Variants in HPSE2 observed in about 807,000 individuals in gnomAD.
HPSE2 encodes heparanase 2 (inactive).
Under a neutral mutation model 60.5 loss-of-function variants are expected in HPSE2, and 38 were observed. The ratio of observed to expected loss-of-function variants is 0.63; its 90% CI spans 0.48 to 0.82. The LOEUF (loss-of-function observed/expected upper bound fraction) is 0.82. HPSE2 is among the 40% of genes least tolerant of loss of function. HPSE2 has a pLI of 0.00. For synonymous variants in HPSE2, 295 were observed against 293.2 expected, an observed-to-expected ratio of 1.01 and a Z score of -0.06; for missense variants, 713 against 740.4, an observed-to-expected ratio of 0.96 and a Z score of 0.43.
chr10:98,824,136 G>T (rs1034851249), intron 3 of HPSE2, among the ~76,000 whole-genome samples: 4 of 152,170 alleles, frequency 2.6e-5, no homozygotes, highest in Non-Finnish European at 5.9e-5. Context: ...ACAATAAAAA[G>T]AGTGTATACT....
At chr10:98,852,312 C>T (rs1952202003) in intron 3 of HPSE2, among the ~76,000 whole-genome samples, 1 of 152,016 alleles carries the variant, frequency 6.6e-6, no homozygotes, top group Non-Finnish European at 1.5e-5. Context: ...CCTTTTCTGC[C>T]CAAGGCAGAA....
chr10:99,309,485 C>T, the HPSE2 span, among the ~76,000 whole-genome samples: 1 of 152,286 alleles, frequency 6.6e-6, no homozygotes, highest in African/African-American at 2.4e-5. Flanking sequence ...TGAGATACTA[C>T]TACACACCAA....
chr10:99,100,055 A>G (rs1843889192), intron 3 of HPSE2, among the ~76,000 whole-genome samples: 1 of 152,234 alleles, frequency 6.6e-6, no homozygotes, highest in South Asian at 2.1e-4. Flanking sequence ...AACAGAGCAG[A>G]AAAGCTGAAA....
Position 99,151,243 on chromosome 10 carries a change from C to CA in HPSE2, c.449-6845dup, listed in dbSNP as rs755830716. 6.0e-3 allele frequency among the ~76,000 whole-genome samples: 773 copies of CA among 127,772 alleles called. 2 individuals carry two copies. Among genetic ancestry groups the CA allele is most frequent in the Middle Eastern group, 0.016 (4 of 256 alleles). The allele number at this position is 127,772 out of a possible 152,430, so 83.8% of individuals were successfully genotyped here. A position where few individuals can be genotyped will look rare whatever the true frequency, so the allele number is the denominator to read the frequency against. ...TTCCAATAAAATATTACAAGCCATG[C>CA]AAAAAAAAAAAATCAGAGAACTTAA... On this transcript the variant is annotated intron_variant, in intron 2 of 11. Transcript: ENST00000370552.
intron 9 of HPSE2, among the ~76,000 whole-genome samples, chr10:98,609,621 C>T (rs74154335): frequency 0.05 from 7,532 of 152,160 alleles, 639 homozygotes; most frequent in African/African-American, 0.17. Flanking sequence ...AATCAGAATC[C>T]TATTTTTATA....
intron 3 of HPSE2, among the ~76,000 whole-genome samples, chr10:98,746,795 T>A (rs1589755392): frequency 6.6e-6 from 1 of 151,156 alleles, no homozygotes; most frequent in Non-Finnish European, 1.5e-5. Flanking sequence ...TCTAGTAGGA[T>A]TTTTTTTTAA....
At position 98,459,599 on chromosome 10, in the gene HPSE2, T is replaced by C. The variant is rs370822615; in HGVS notation, c.1754A>G (p.Asn585Ser). Residue 585 changes from asparagine to serine, a missense_variant, in exon 12 of 12, where the codon AAT (asparagine) becomes AGT (serine). Physicochemically the swap from Asn to Ser is conservative, Grantham distance 46. Transcript: ENST00000370552. ...TMGFYVVKNV[N>S]ALACRYR is the part of the protein sequence containing the mutation. ...TTATCGGTAGCGGCAGGCCAAAGCA[T>C]TGACATTCTTGACCACATAAAAGCC... 8.9e-5 allele frequency: 143 copies of C among 1,614,104 alleles called. 2 individuals are homozygous for C. In the South Asian group the frequency reaches 1.3e-3, roughly 15 times the overall value.
chr10:98,708,060 T>G (rs766331573), intron 5 of HPSE2, among the ~76,000 whole-genome samples: 33 of 152,320 alleles, frequency 2.2e-4, no homozygotes, highest in African/African-American at 7.7e-4. Context: ...ATGTGCTATG[T>G]GATTTGTTGT....
chr10:99,113,780 T>A (rs1175113304), intron 3 of HPSE2, among the ~76,000 whole-genome samples: 8 of 152,136 alleles, frequency 5.3e-5, no homozygotes, highest in Non-Finnish European at 1.2e-4. Flanking sequence ...TTTATAAAAT[T>A]AGAGGTACAA....
intron 3 of HPSE2, among the ~76,000 whole-genome samples, chr10:99,079,377 T>G (rs1184848925): frequency 6.6e-6 from 1 of 152,114 alleles, no homozygotes; most frequent in African/African-American, 2.4e-5. Flanking sequence ...TGGCCCCAAG[T>G]GGCTAGAGTA....
chr10:99,010,244 A>T (rs1460083343), intron 3 of HPSE2, among the ~76,000 whole-genome samples: 1 of 152,216 alleles, frequency 6.6e-6, no homozygotes, highest in African/African-American at 2.4e-5. Flanking sequence ...CTATTTTTTT[A>T]TCTTTGAAAA....
chr10:98,761,433 T>G (rs1306415553), intron 3 of HPSE2, among the ~76,000 whole-genome samples: 1 of 152,156 alleles, frequency 6.6e-6, no homozygotes, highest in Admixed American at 6.5e-5. Flanking sequence ...ACTTTCGGTT[T>G]CATTTGTTCT....
intron 3 of HPSE2, among the ~76,000 whole-genome samples, chr10:98,983,355 C>T (rs753835832): frequency 3.3e-5 from 5 of 152,032 alleles, no homozygotes; most frequent in Non-Finnish European, 4.4e-5. Flanking sequence ...TAGTGTACTC[C>T]GTAATCTCGT....
intron 3 of HPSE2, among the ~76,000 whole-genome samples, chr10:99,002,398 A>T (rs1243292071): frequency 1.3e-5 from 2 of 152,102 alleles, no homozygotes; most frequent in Non-Finnish European, 2.9e-5. Flanking sequence ...AAGTAACTTT[A>T]CACTGGAGAA....
In HPSE2 at chr10:98,684,201, G is replaced by A. The variant is rs535735449; in HGVS notation, c.1004+9699C>T. 2.6e-4 allele frequency among the ~76,000 whole-genome samples: 40 copies of A among 152,248 alleles called. 1 individual carries two copies. In the South Asian group the frequency reaches 8.3e-3, roughly 32 times the overall value. On this transcript the variant is annotated intron_variant, in intron 6 of 11. Transcript: ENST00000370552. Reference sequence around the variant, plus strand: ...CAAAAAGAATCCCCAGGATAATGGTGAAGGGCACTCCCAGGACAACAGCTG... The same window carrying A: ...CAAAAAGAATCCCCAGGATAATGGTAAAGGGCACTCCCAGGACAACAGCTG...
chr10:98,598,013 C>T (rs904135089), intron 9 of HPSE2, among the ~76,000 whole-genome samples: 1 of 147,276 alleles, frequency 6.8e-6, no homozygotes, highest in African/African-American at 2.5e-5. Context: ...TCTTTTGATG[C>T]TGTCCCATGG....
At chr10:98,891,095 A>G (rs1953323842) in intron 3 of HPSE2, among the ~76,000 whole-genome samples, 1 of 152,144 alleles carries the variant, frequency 6.6e-6, no homozygotes, top group Non-Finnish European at 1.5e-5. Flanking sequence ...ATTTTCAGAC[A>G]TAGCTTCTAT....
At chr10:99,257,507 A>G in the HPSE2 span, among the ~76,000 whole-genome samples, 1 of 152,176 alleles carries the variant, frequency 6.6e-6, no homozygotes, top group South Asian at 2.1e-4. Flanking sequence ...AGTCTCCGGT[A>G]GCACTCCCAG....
chr10:98,936,911 G>A (rs1201676487), intron 3 of HPSE2, among the ~76,000 whole-genome samples: 11 of 133,348 alleles, frequency 8.2e-5, no homozygotes, highest in African/African-American at 2.3e-4. Context: ...CCCGGGAGGC[G>A]GAGGTTGCAG....
Sources: gnomAD v4.1 joint callset for allele counts (sites outside exome capture counted in the v4.1 genomes callset) on GRCh38, gnomAD v4.1.1 for gene constraint, MANE v1.5 for transcripts, NCBI Gene and HGNC (gene_info 2026-07-23, HGNC 2026-07-21) for gene names.